The following GRIK2 variants were observed in gnomAD, a reference collection of about 807,000 sequenced individuals.
The protein encoded by GRIK2 is glutamate ionotropic receptor kainate type subunit 2.
A neutral mutation model predicts 100.3 loss-of-function variants in GRIK2; 32 were observed. The ratio of observed to expected loss-of-function variants is 0.32; its 90% CI spans 0.24 to 0.43. GRIK2 has a LOEUF of 0.43. Ranked by LOEUF, GRIK2 falls within the 20% of genes least tolerant of loss-of-function variation. The probability of loss-of-function intolerance (pLI) is 1.00; values close to 1 mark genes in which losing one functional copy is unlikely to be tolerated. For missense variants in GRIK2, 843 were observed against 1,114.9 expected (o/e 0.76, Z 3.47); for synonymous variants, 417 against 389.4 (o/e 1.07, Z -0.83).
intron 2 of GRIK2, among the ~76,000 whole-genome samples, chr6:101,540,297 G>T (rs1434047681): frequency 6.6e-6 from 1 of 151,792 alleles, no homozygotes; most frequent in Non-Finnish European, 1.5e-5. Flanking sequence ...AATTTTCATT[G>T]AAAAGCTACA....
intron 2 of GRIK2, among the ~76,000 whole-genome samples, chr6:101,465,761 G>A (rs148582084): frequency 1.4e-4 from 22 of 152,236 alleles, no homozygotes; most frequent in African/African-American, 4.6e-4. Context: ...CACATCAAGC[G>A]GGACACCGAT....
chr6:101,440,729 T>C (rs1018749032), intron 2 of GRIK2, among the ~76,000 whole-genome samples: 11 of 152,128 alleles, frequency 7.2e-5, no homozygotes, highest in African/African-American at 2.2e-4. Flanking sequence ...CTAAAACATA[T>C]TGACACATTT....
intron 7 of GRIK2, among the ~76,000 whole-genome samples, chr6:101,793,478 AC>A (rs1780043690): frequency 6.6e-6 from 1 of 152,094 alleles, no homozygotes; most frequent in Admixed American, 6.5e-5. Flanking sequence ...ACCACTCCAG[AC>A]CCTGTTTGCC....
intron 2 of GRIK2, among the ~76,000 whole-genome samples, chr6:101,406,269 CT>C (rs1359705751): frequency 6.6e-6 from 1 of 151,790 alleles, no homozygotes; most frequent in African/African-American, 2.4e-5. Context: ...TTTGAGAATC[CT>C]CTTCAAAGAT....
intron 14 of GRIK2, among the ~76,000 whole-genome samples, chr6:102,029,368 C>T (rs1026914628): frequency 3.3e-5 from 5 of 151,246 alleles, no homozygotes; most frequent in Admixed American, 1.3e-4. Context: ...GTTTATACTG[C>T]AACTTTATAT....
At chr6:101,816,280 T>C (rs965984674) in intron 9 of GRIK2, among the ~76,000 whole-genome samples, 17 of 152,108 alleles carry the variant, frequency 1.1e-4, no homozygotes, top group Non-Finnish European at 2.2e-4. Flanking sequence ...AAATGCATGA[T>C]AGGTATTAAT....
chr6:101,729,151 T>G (rs906784614), intron 7 of GRIK2, among the ~76,000 whole-genome samples: 1 of 152,174 alleles, frequency 6.6e-6, no homozygotes, highest in East Asian at 1.9e-4. Flanking sequence ...CTTGCTTTCC[T>G]TGGATTGCAG....
chr6:101,752,450 C>T (rs1321873493), intron 7 of GRIK2, among the ~76,000 whole-genome samples: 1 of 152,106 alleles, frequency 6.6e-6, no homozygotes, highest in East Asian at 1.9e-4. Flanking sequence ...CTGTGGTACT[C>T]ATTGCTTTCG....
chr6:101,793,338 A>T (rs912674399), intron 7 of GRIK2, among the ~76,000 whole-genome samples: 2 of 151,930 alleles, frequency 1.3e-5, no homozygotes, highest in Admixed American at 6.6e-5. Flanking sequence ...TCTTTGTGGT[A>T]TTATCTACTT....
Position 101,618,050 on chromosome 6 carries a change from T to C in GRIK2, c.116-3899T>C, listed in dbSNP as rs143307491. 3.2e-3 allele frequency among the ~76,000 whole-genome samples: 491 copies of C among 151,812 alleles called. 2 individuals carry two copies. Among genetic ancestry groups the C allele is most frequent in the Non-Finnish European group, 5.7e-3 (387 of 67,728 alleles). On this transcript the variant is annotated intron_variant, in intron 2 of 16. Coordinates refer to ENST00000369134, the MANE Select transcript of GRIK2 (RefSeq NM_021956.5). ...GTGTGTGTCTCTGATTAGGAAGTTC[T>C]TAATTTTAAGAAAGTCTAATATGTC... is the stretch of plus-strand genomic sequence containing the variant.
intron 4 of GRIK2, among the ~76,000 whole-genome samples, chr6:101,636,124 A>T (rs1246994330): frequency 6.6e-6 from 1 of 152,218 alleles, no homozygotes; most frequent in Admixed American, 6.6e-5. Context: ...AATAGACTGG[A>T]TAAAGAAAAT....
Position 101,688,973 on chromosome 6 carries a change from A to G in GRIK2, c.951+2620A>G, listed in dbSNP as rs144198431. ...TAACATTAATTCTTAATTATAAAAT[A>G]GCATATGGTTATTAAAATAAAACCA... On this transcript the variant is annotated intron_variant, in intron 7 of 16. Transcript: ENST00000369134. 2.5e-3 allele frequency among the ~76,000 whole-genome samples: 386 copies of G among 152,146 alleles called. 6 individuals are homozygous for G. The highest frequency in any genetic ancestry group is 9.0e-3 in the African/African-American group (374 of 41,572).
chr6:101,436,288 G>A (rs969802138), intron 2 of GRIK2, among the ~76,000 whole-genome samples: 9 of 152,016 alleles, frequency 5.9e-5, no homozygotes, highest in African/African-American at 2.2e-4. Context: ...AGAGGTTCAT[G>A]TATATTTTAT....
At chr6:101,890,106 C>T (rs1231034131) in intron 12 of GRIK2, 5 of 352,710 alleles carry the variant, frequency 1.4e-5, no homozygotes, top group African/African-American at 6.3e-5. Context: ...GTTTTCTTAA[C>T]CAGAATATAA....
chr6:101,899,951 T>C (rs1163823582), intron 12 of GRIK2, among the ~76,000 whole-genome samples: 2 of 152,072 alleles, frequency 1.3e-5, no homozygotes, highest in Non-Finnish European at 2.9e-5. Flanking sequence ...AGATATGTTT[T>C]GGAAACTGGT....
intron 7 of GRIK2, among the ~76,000 whole-genome samples, chr6:101,718,780 C>T (rs1222957): frequency 0.024 from 3,571 of 151,946 alleles, 119 homozygotes; most frequent in African/African-American, 0.074. Context: ...CTGTTGTGTT[C>T]TTAGAGGTGA....
chr6:102,014,587 A>G (rs1267808305), intron 14 of GRIK2, among the ~76,000 whole-genome samples: 3 of 152,038 alleles, frequency 2.0e-5, no homozygotes, highest in African/African-American at 7.2e-5. Flanking sequence ...TTAGTGCTAT[A>G]AATGTGTCCC....
At chr6:101,797,227 T>A (rs1041252076) in intron 7 of GRIK2, among the ~76,000 whole-genome samples, 3 of 152,008 alleles carry the variant, frequency 2.0e-5, no homozygotes, top group Non-Finnish European at 4.4e-5. Context: ...ACATTACGTG[T>A]TAATCTTAAA....
chr6:101,919,636 AGT>A (rs1481577549), intron 12 of GRIK2, among the ~76,000 whole-genome samples: 2 of 151,936 alleles, frequency 1.3e-5, no homozygotes, highest in African/African-American at 4.8e-5. Flanking sequence ...TAAAGTCATG[AGT>A]GTGTTAAGTG....
Sources: gnomAD v4.1 joint callset for allele counts (sites outside exome capture counted in the v4.1 genomes callset) on GRCh38, gnomAD v4.1.1 for gene constraint, MANE v1.5 for transcripts, NCBI Gene and HGNC (gene_info 2026-07-23, HGNC 2026-07-21) for gene names.